The following CIB1 variants were observed in gnomAD, a reference collection of about 807,000 sequenced individuals.
CIB1 encodes the protein calcium and integrin binding 1, also known as calcium and integrin-binding protein 1.
CIB1 carries 19 observed loss-of-function variants against 25.0 expected under a neutral mutation model. The observed-to-expected ratio is 0.76, with a 90% CI of 0.53 to 1.12. The LOEUF (loss-of-function observed/expected upper bound fraction) is 1.12. CIB1 is among the 50% of genes most tolerant of loss of function. The pLI, the probability that CIB1 is intolerant of heterozygous loss-of-function variation, is 0.00. For missense variants in CIB1, 236 were observed against 242.6 expected (o/e 0.97, Z 0.18); for synonymous variants, 104 against 98.5 (o/e 1.06, Z -0.33).
Position 90,231,417 on chromosome 15 carries a change from T to C in CIB1, c.286A>G (p.Ser96Gly). ...LSFEDFLDLL[S>G]VFSDTATPDI... ...GGCGTGGCTGTGTCACTGAACACAC[T>C]GAGGAGATCCAGGAAGTCCTCAAAG... Residue 96 changes from serine to glycine, a missense_variant, in exon 4 of 7, where the codon AGT becomes GGT. By Grantham distance (56) the Ser-to-Gly change is moderately conservative. Transcript: ENST00000328649. 6.2e-7 allele frequency: 1 copy of C among 1,614,206 alleles called. No homozygotes were observed. The highest frequency in any genetic ancestry group is 8.5e-7 in the Non-Finnish European group (1 of 1,180,040).
chr15:90,249,290 A>C, the CIB1 span, among the ~76,000 whole-genome samples: 1 of 151,718 alleles, frequency 6.6e-6, no homozygotes, highest in Non-Finnish European at 1.5e-5. Context: ...ATGCTTGGCC[A>C]AATTCCTTGG....
chr15:90,232,831 G>A (rs200203577), intron 2 of CIB1, among the ~76,000 whole-genome samples: 1 of 40,924 alleles, frequency 2.4e-5, no homozygotes, highest in Middle Eastern at 0.011. Context: ...ACTTGAACCC[G>A]GAGGCAGGAG....
chr15:90,237,443 G>A (rs952911650), upstream of CIB1, among the ~76,000 whole-genome samples: 3 of 151,278 alleles, frequency 2.0e-5, no homozygotes, highest in African/African-American at 4.9e-5. Context: ...CCACCACCAC[G>A]CCCAGCTAAT....
chr15:90,232,239 G>C lies in CIB1; in HGVS notation c.175C>G (p.Leu59Val). 1 of 1,612,558 alleles carries C rather than the reference G, an allele frequency of 6.2e-7. No homozygotes were observed. The highest frequency in any genetic ancestry group is 8.5e-7 in the Non-Finnish European group (1 of 1,178,884). Reference protein sequence around the residue: ...LRAQVPFEQILSLPELKANPF... With the variant: ...LRAQVPFEQIVSLPELKANPF... The stretch of plus-strand genomic sequence containing the variant: ...TGCACCTTGAGCTCTGGAAGGCTGA[G>C]AATCTGCTCGAAGGGCACTTGTGCC... Residue 59 changes from leucine to valine, a missense_variant, in exon 3 of 7, where the codon CTC becomes GTC. Coordinates refer to ENST00000328649, the MANE Select transcript of CIB1 (RefSeq NM_006384.4).
chr15:90,241,211 G>A, the CIB1 span: 50 of 1,614,080 alleles, frequency 3.1e-5, no homozygotes, highest in Non-Finnish European at 4.1e-5. Context: ...TGAATGTGGA[G>A]CGTGGTGTGC....
Position 90,231,450 on chromosome 15 carries a change from T to A in CIB1, c.253A>T (p.Ser85Cys). ...RVFSTSPAKD[S>C]LSFEDFLDLL... ...TCCAGGAAGTCCTCAAAGCTAAGGCTGTCTTTGGCTGGGGATGTGGAGAAG... is the reference window on the plus strand; with the variant it reads ...TCCAGGAAGTCCTCAAAGCTAAGGCAGTCTTTGGCTGGGGATGTGGAGAAG... Residue 85 changes from serine to cysteine, a missense_variant, in exon 4 of 7, where the codon AGC (serine) becomes TGC (cysteine). Transcript: ENST00000328649. 7 of 1,614,236 alleles carry A rather than the reference T, an allele frequency of 4.3e-6. No homozygotes were observed. Among genetic ancestry groups the A allele is most frequent in the Non-Finnish European group, 5.9e-6 (7 of 1,180,036 alleles).
the CIB1 span, chr15:90,265,684 C>G: frequency 1.9e-6 from 3 of 1,612,344 alleles, no homozygotes; most frequent in Non-Finnish European, 2.5e-6. Context: ...TGTTTCGTAG[C>G]CGACTGCTGA....
chr15:90,238,413 A>T (rs764002687), upstream of CIB1: 1 of 152,252 alleles, frequency 6.6e-6, no homozygotes. Context: ...CTAAGCCTCA[A>T]TACTCATTAA....
the CIB1 span, chr15:90,265,465 T>G: frequency 2.2e-5 from 30 of 1,363,142 alleles, no homozygotes; most frequent in Admixed American, 4.7e-4. Flanking sequence ...TAATTAAAGT[T>G]TATGCAGTTT....
chr15:90,258,170 C>T, the CIB1 span: 1 of 1,614,262 alleles, frequency 6.2e-7, no homozygotes, highest in Non-Finnish European at 8.5e-7. Context: ...ACTACCGAAC[C>T]TGTTTTCCCC....
chr15:90,250,291 A>G, the CIB1 span, among the ~76,000 whole-genome samples: 11 of 152,132 alleles, frequency 7.2e-5, no homozygotes, highest in East Asian at 1.9e-4. Flanking sequence ...CTCTTTCCCA[A>G]TTAGGAACAA....
At chr15:90,233,084 G>T (rs1286712432) in intron 2 of CIB1, among the ~76,000 whole-genome samples, 1 of 142,402 alleles carries the variant, frequency 7.0e-6, no homozygotes, top group Non-Finnish European at 1.5e-5. Context: ...TTTGCCACAG[G>T]AACCTGGCCT....
At chr15:90,263,092 AC>A in the CIB1 span, 3 of 1,535,996 alleles carry the variant, frequency 2.0e-6, no homozygotes, top group East Asian at 2.4e-5. Flanking sequence ...AGAGCAGCTC[AC>A]CCGTCTGCAG....
Position 90,232,205 on chromosome 15 carries a change from G to T in CIB1, c.195+14C>A. 1 of 1,599,002 alleles carries T rather than the reference G, an allele frequency of 6.3e-7. No individual in the cohort carries two copies. Among genetic ancestry groups the T allele is most frequent in the South Asian group, 1.1e-5 (1 of 89,870 alleles). On this transcript the variant is annotated intron_variant, in intron 3 of 6. Transcript: ENST00000328649. Reference sequence around the variant, plus strand: ...AGTGGTGGGAGAGGTGTCAAAGGAGGGGAGCGCTTGCACCTTGAGCTCTGG... The same window carrying T: ...AGTGGTGGGAGAGGTGTCAAAGGAGTGGAGCGCTTGCACCTTGAGCTCTGG...
In CIB1 at chr15:90,230,227, T is replaced by C. The variant is rs1962442072; in HGVS notation, c.*257A>G. 1.8e-6 allele frequency: 1 copy of C among 556,396 alleles called. No individual in the cohort carries two copies. The highest frequency in any genetic ancestry group is 3.0e-5 in the East Asian group (1 of 32,944). The allele number at this position is 556,396 out of a possible 1,614,324, so 34.5% of individuals were successfully genotyped here. A position where few individuals can be genotyped will look rare whatever the true frequency, so the allele number is the denominator to read the frequency against. On this transcript the variant is annotated 3_prime_UTR_variant, in exon 7 of 7. Transcript: ENST00000328649. Reference sequence around the variant, plus strand: ...GAAGTCCAGTCCTTCCTCATACCAGTGTATCTCATGTCACACATAGGGTCA... The same window carrying C: ...GAAGTCCAGTCCTTCCTCATACCAGCGTATCTCATGTCACACATAGGGTCA...
At chr15:90,256,083 G>T in the CIB1 span, 1 of 1,593,420 alleles carries the variant, frequency 6.3e-7, no homozygotes, top group Non-Finnish European at 8.6e-7. Context: ...AGCTCCATGC[G>T]GCCCCGGGAA....
At chr15:90,234,264 A>C, upstream of CIB1, 1 of 201,478 alleles carries the variant, frequency 5.0e-6, no homozygotes, top group African/African-American at 2.3e-5. Flanking sequence ...CTGCGGGGAA[A>C]GTCGCGAGGT....
upstream of CIB1, chr15:90,236,051 T>A (rs1375288850): frequency 6.6e-6 from 1 of 152,204 alleles, no homozygotes; most frequent in African/African-American, 2.4e-5. Context: ...GTCTTCTTTT[T>A]TTTTGAGACA....
the CIB1 span, among the ~76,000 whole-genome samples, chr15:90,251,381 C>G: frequency 6.6e-6 from 1 of 151,062 alleles, no homozygotes; most frequent in Non-Finnish European, 1.5e-5. Flanking sequence ...GCCTCGGCCT[C>G]CCAAAGTGCT....
Sources: gnomAD v4.1 joint callset for allele counts (sites outside exome capture counted in the v4.1 genomes callset) on GRCh38, gnomAD v4.1.1 for gene constraint, MANE v1.5 for transcripts, NCBI Gene and HGNC (gene_info 2026-07-23, HGNC 2026-07-21) for gene names.